The following ZBTB20 variants were observed in gnomAD, a reference collection of about 807,000 sequenced individuals.
The protein encoded by ZBTB20 is zinc finger and BTB domain containing 20, also known as zinc finger and BTB domain-containing protein 20.
ZBTB20 carries 9 observed loss-of-function variants against 56.9 expected under a neutral mutation model. The ratio of observed to expected loss-of-function variants is 0.16; its 90% CI spans 0.10 to 0.28. The LOEUF (loss-of-function observed/expected upper bound fraction) is 0.28, where lower values mean the gene tolerates loss of function less well. Ranked by LOEUF, ZBTB20 falls within the 10% of genes least tolerant of loss-of-function variation. ZBTB20 has a pLI of 1.00. For synonymous variants in ZBTB20, 417 were observed against 420.7 expected (o/e 0.99, Z 0.11); for missense variants, 655 against 1,003.0 (o/e 0.65, Z 4.69).
intron 5 of ZBTB20, among the ~76,000 whole-genome samples, chr3:114,757,353 C>T (rs2068080425): frequency 6.6e-6 from 1 of 152,154 alleles, no homozygotes; most frequent in South Asian, 2.1e-4. Flanking sequence ...ACATAGAGGA[C>T]TAATAAGATA....
chr3:114,663,724 G>C (rs920765583), intron 6 of ZBTB20, among the ~76,000 whole-genome samples: 3 of 151,698 alleles, frequency 2.0e-5, no homozygotes, highest in Non-Finnish European at 4.4e-5. Context: ...ACTAAAAAAG[G>C]CAGGGGTTGC....
chr3:115,064,443 CTTTTT>C (rs34098178), intron 2 of ZBTB20, among the ~76,000 whole-genome samples: 4 of 78,072 alleles, frequency 5.1e-5, no homozygotes, highest in East Asian at 5.0e-4. Flanking sequence ...TCTCATAATT[CTTTTT>C]TTTTTTTTTT....
At chr3:114,771,099 A>G (rs1341036713) in intron 5 of ZBTB20, among the ~76,000 whole-genome samples, 1 of 152,208 alleles carries the variant, frequency 6.6e-6, no homozygotes, top group African/African-American at 2.4e-5. Context: ...CATATTTCTC[A>G]GAACTCTATT....
chr3:114,724,062 A>C (rs917068752), intron 5 of ZBTB20, among the ~76,000 whole-genome samples: 1 of 150,956 alleles, frequency 6.6e-6, no homozygotes, highest in African/African-American at 2.4e-5. Flanking sequence ...TTTAGTAGAG[A>C]CGGGGTTTCA....
At chr3:115,006,002 GTTT>G (rs71146347) in intron 2 of ZBTB20, among the ~76,000 whole-genome samples, 4 of 148,884 alleles carry the variant, frequency 2.7e-5, no homozygotes, top group Non-Finnish European at 6.0e-5. Context: ...ATTGCCAAAT[GTTT>G]TTTTTTTCTT....
chr3:114,893,721 A>T (rs1291348728), intron 4 of ZBTB20, among the ~76,000 whole-genome samples: 1 of 151,912 alleles, frequency 6.6e-6, no homozygotes, highest in East Asian at 1.9e-4. Context: ...AGTGAAAAAA[A>T]AAAGATGAGG....
chr3:114,604,593 G>C (rs2222366), intron 6 of ZBTB20, among the ~76,000 whole-genome samples: 3,239 of 151,976 alleles, frequency 0.021, 111 homozygotes, highest in African/African-American at 0.074. Context: ...GAACAGCATA[G>C]CAATGATAAA....
chr3:114,981,690 C>T (rs1321605910), intron 2 of ZBTB20, among the ~76,000 whole-genome samples: 1 of 151,998 alleles, frequency 6.6e-6, no homozygotes, highest in Non-Finnish European at 1.5e-5. Flanking sequence ...CCCACTTTAT[C>T]AATGTGTAAA....
intron 1 of ZBTB20, among the ~76,000 whole-genome samples, chr3:115,122,612 T>C (rs1576810785): frequency 6.6e-6 from 1 of 152,126 alleles, no homozygotes; most frequent in South Asian, 2.1e-4. Flanking sequence ...CCTTTATTTG[T>C]CCTGCCTCTC....
At chr3:114,566,468 C>G (rs1353249248) in intron 6 of ZBTB20, among the ~76,000 whole-genome samples, 1 of 152,166 alleles carries the variant, frequency 6.6e-6, no homozygotes, top group African/African-American at 2.4e-5. Context: ...ACTTATTTAT[C>G]TCAAGTTGAT....
At chr3:115,109,235 AAAAGG>A (rs1234641287) in intron 1 of ZBTB20, among the ~76,000 whole-genome samples, 2 of 152,164 alleles carry the variant, frequency 1.3e-5, no homozygotes, top group African/African-American at 2.4e-5. Context: ...TATTTAATAC[AAAAGG>A]AAAGGAAAGA....
chr3:114,477,162 A>T (rs2040875327), intron 7 of ZBTB20, among the ~76,000 whole-genome samples: 1 of 152,222 alleles, frequency 6.6e-6, no homozygotes, highest in Non-Finnish European at 1.5e-5. Context: ...AACATACCTG[A>T]AATAACATGC....
intron 7 of ZBTB20, among the ~76,000 whole-genome samples, chr3:114,465,941 C>G (rs1265245648): frequency 6.6e-6 from 1 of 152,066 alleles, no homozygotes; most frequent in Admixed American, 6.6e-5. Flanking sequence ...CTCTGAGTAT[C>G]CAGGATTTCC....
chr3:114,980,712 TTAA>T (rs1179083598), intron 2 of ZBTB20, among the ~76,000 whole-genome samples: 2 of 151,834 alleles, frequency 1.3e-5, no homozygotes, highest in African/African-American at 4.8e-5. Flanking sequence ...TATAAAAATA[TTAA>T]TAATTTTGAA....
intron 4 of ZBTB20, among the ~76,000 whole-genome samples, chr3:114,846,287 T>TC (rs1399225020): frequency 6.6e-6 from 1 of 152,220 alleles, no homozygotes; most frequent in African/African-American, 2.4e-5. Flanking sequence ...AGCTTGCTCC[T>TC]CAGGCCCTCA....
intron 6 of ZBTB20, among the ~76,000 whole-genome samples, chr3:114,634,722 C>T (rs2059158120): frequency 6.6e-6 from 1 of 152,296 alleles, no homozygotes; most frequent in South Asian, 2.1e-4. Flanking sequence ...ATCAGTACTT[C>T]CCCCAGACTG....
At chr3:114,572,835 G>A (rs1345575427) in intron 6 of ZBTB20, among the ~76,000 whole-genome samples, 1 of 152,152 alleles carries the variant, frequency 6.6e-6, no homozygotes, top group Non-Finnish European at 1.5e-5. Context: ...AGCCAAGTAA[G>A]TTGTTATGTT....
At chr3:115,096,142 G>A (rs1292512703) in intron 1 of ZBTB20, among the ~76,000 whole-genome samples, 4 of 152,142 alleles carry the variant, frequency 2.6e-5, no homozygotes, top group African/African-American at 9.7e-5. Context: ...TACACAGTAT[G>A]AAACAAATTA....
chr3:114,979,557 A>ATGAATAGAAACTGTTAAAGACCATT (rs1560458333), intron 2 of ZBTB20, among the ~76,000 whole-genome samples: 1 of 152,050 alleles, frequency 6.6e-6, no homozygotes, highest in Non-Finnish European at 1.5e-5. Context: ...TGAGTACAAA[A>ATGAATAGAAACTGTTAAAGACCATT]TGAATAGAAA....
Sources: allele counts gnomAD v4.1 joint callset (sites outside exome capture counted in the v4.1 genomes callset), GRCh38; gene constraint gnomAD v4.1.1; transcripts MANE v1.5; gene names NCBI Gene and HGNC (gene_info 2026-07-23, HGNC 2026-07-21).